CNTNAP5: variants seen among roughly 807,000 people sequenced by gnomAD.
The protein encoded by CNTNAP5 is contactin-associated protein-like 5.
Under a neutral mutation model 150.2 loss-of-function variants are expected in CNTNAP5, and 72 were observed. The observed-to-expected ratio is 0.48, with a 90% CI of 0.40 to 0.58. The LOEUF is 0.58. CNTNAP5 is among the 20% of genes least tolerant of loss of function. The probability of loss-of-function intolerance (pLI) is 0.00; values close to 1 mark genes in which losing one functional copy is unlikely to be tolerated. For missense variants in CNTNAP5, 1,636 were observed against 1,626.2 expected, an observed-to-expected ratio of 1.01 and a Z score of -0.10; for synonymous variants, 672 against 619.8, an observed-to-expected ratio of 1.08 and a Z score of -1.25.
chr2:124,077,018 A>G (rs1215259248), intron 1 of CNTNAP5, among the ~76,000 whole-genome samples: 2 of 152,150 alleles, frequency 1.3e-5, no homozygotes, highest in African/African-American at 4.8e-5. Context: ...TACCAACATC[A>G]GTGAAGATTA....
intron 3 of CNTNAP5, among the ~76,000 whole-genome samples, chr2:124,362,050 C>T (rs1032957497): frequency 5.9e-5 from 9 of 152,196 alleles, no homozygotes; most frequent in African/African-American, 1.4e-4. Context: ...GCGCAATATT[C>T]GGGTGGGAGT....
chr2:124,566,145 C>T (rs189150771), intron 11 of CNTNAP5, among the ~76,000 whole-genome samples: 1 of 152,100 alleles, frequency 6.6e-6, no homozygotes, highest in Non-Finnish European at 1.5e-5. Flanking sequence ...GCAGGACCCC[C>T]ATAAGGCTGT....
intron 7 of CNTNAP5, among the ~76,000 whole-genome samples, chr2:124,489,550 AAC>A (rs1383006907): frequency 2.6e-5 from 4 of 152,206 alleles, no homozygotes; most frequent in African/African-American, 4.8e-5. Context: ...ATTTAGAGGA[AAC>A]ACAGTTCAGT....
chr2:124,801,584 G>A (rs914423278), intron 19 of CNTNAP5, among the ~76,000 whole-genome samples: 1 of 152,046 alleles, frequency 6.6e-6, no homozygotes, highest in African/African-American at 2.4e-5. Context: ...TTCTTCCCAA[G>A]TCTTAGATTT....
At chr2:124,391,384 G>A (rs891502700) in intron 3 of CNTNAP5, among the ~76,000 whole-genome samples, 1 of 152,050 alleles carries the variant, frequency 6.6e-6, no homozygotes, top group African/African-American at 2.4e-5. Flanking sequence ...ACAAAAATGG[G>A]TGGACATGAT....
At chr2:124,425,440 A>G (rs1692215676) in intron 4 of CNTNAP5, among the ~76,000 whole-genome samples, 1 of 152,212 alleles carries the variant, frequency 6.6e-6, no homozygotes, top group Non-Finnish European at 1.5e-5. Flanking sequence ...TTGTCATTGC[A>G]GGATGCTGCT....
intron 1 of CNTNAP5, among the ~76,000 whole-genome samples, chr2:124,039,550 T>C (rs1681310818): frequency 1.3e-5 from 2 of 152,130 alleles, no homozygotes; most frequent in South Asian, 4.1e-4. Context: ...TTAAGTAATG[T>C]GAGTAGAAGT....
chr2:124,599,136 A>C (rs1181113124), intron 11 of CNTNAP5, among the ~76,000 whole-genome samples: 1 of 152,108 alleles, frequency 6.6e-6, no homozygotes, highest in South Asian at 2.1e-4. Flanking sequence ...TGTAGACCGG[A>C]GCTGTTCCTA....
chr2:124,676,941 G>A (rs1036508230), intron 13 of CNTNAP5, among the ~76,000 whole-genome samples: 1 of 151,606 alleles, frequency 6.6e-6, no homozygotes, highest in Non-Finnish European at 1.5e-5. Context: ...TCCACCATCT[G>A]GAAGTGCTTC....
chr2:124,419,011 G>A (rs1170855347), intron 4 of CNTNAP5, among the ~76,000 whole-genome samples: 1 of 149,448 alleles, frequency 6.7e-6, no homozygotes, highest in Non-Finnish European at 1.5e-5. Context: ...GCGGGCGCCT[G>A]TAGTCCCAGC....
At chr2:124,464,083 A>G (rs149730815) in intron 6 of CNTNAP5, among the ~76,000 whole-genome samples, 2 of 152,296 alleles carry the variant, frequency 1.3e-5, no homozygotes, top group African/African-American at 4.8e-5. Context: ...CAATACTTTG[A>G]GAGAGTGCCC....
chr2:124,068,896 T>G (rs1043596965), intron 1 of CNTNAP5, among the ~76,000 whole-genome samples: 13 of 151,984 alleles, frequency 8.6e-5, no homozygotes, highest in Non-Finnish European at 1.5e-4. Flanking sequence ...ATTCATCACC[T>G]GCTGATTAAA....
intron 1 of CNTNAP5, among the ~76,000 whole-genome samples, chr2:124,206,112 A>G (rs562088518): frequency 6.6e-6 from 1 of 152,340 alleles, no homozygotes; most frequent in East Asian, 1.9e-4. Flanking sequence ...GGATCAACCA[A>G]GTGTTCTGGG....
intron 19 of CNTNAP5, among the ~76,000 whole-genome samples, chr2:124,808,192 T>A (rs1682121666): frequency 6.6e-6 from 1 of 152,098 alleles, no homozygotes; most frequent in African/African-American, 2.4e-5. Context: ...TTAATAGGGC[T>A]CCCCAGGATT....
chr2:124,787,423 G>T (rs1049956341), intron 17 of CNTNAP5, among the ~76,000 whole-genome samples: 9 of 152,280 alleles, frequency 5.9e-5, no homozygotes, highest in Admixed American at 5.9e-4. Flanking sequence ...TTGGGGTTTG[G>T]CCTCCTGGCC....
chr2:124,837,736 A>T (rs1682860004), intron 19 of CNTNAP5, among the ~76,000 whole-genome samples: 1 of 152,154 alleles, frequency 6.6e-6, no homozygotes, highest in African/African-American at 2.4e-5. Context: ...TTCTCCTAGG[A>T]ATTCATCCAT....
chr2:124,310,993 A>C (rs1448581665), intron 3 of CNTNAP5, among the ~76,000 whole-genome samples: 1 of 152,154 alleles, frequency 6.6e-6, no homozygotes, highest in East Asian at 1.9e-4. Flanking sequence ...AGTCTCTGTA[A>C]ATAAAACTCA....
intron 3 of CNTNAP5, among the ~76,000 whole-genome samples, chr2:124,328,368 A>G (rs1689271490): frequency 6.6e-6 from 1 of 152,188 alleles, no homozygotes; most frequent in Admixed American, 6.5e-5. Context: ...CCTTGCTCAC[A>G]TTATAGGCAT....
intron 19 of CNTNAP5, among the ~76,000 whole-genome samples, chr2:124,846,023 T>C (rs114731366): frequency 0.031 from 4,745 of 152,126 alleles, 241 homozygotes; most frequent in African/African-American, 0.11. Context: ...ACTCTGATCT[T>C]TGTTATTTCT....
Sources: gnomAD v4.1 joint callset for allele counts (sites outside exome capture counted in the v4.1 genomes callset) on GRCh38, gnomAD v4.1.1 for gene constraint, MANE v1.5 for transcripts, NCBI Gene and HGNC (gene_info 2026-07-23, HGNC 2026-07-21) for gene names.